Variants in RAB30 observed in about 807,000 individuals in gnomAD.
RAB30 encodes the protein ras-related protein Rab-30.
Under a neutral mutation model 25.1 loss-of-function variants are expected in RAB30, and 9 were observed. The ratio of observed to expected loss-of-function variants is 0.36; its 90% CI spans 0.22 to 0.63. The LOEUF (loss-of-function observed/expected upper bound fraction) is 0.63. RAB30 is among the 20% of genes least tolerant of loss of function. The pLI, the probability that RAB30 is intolerant of heterozygous loss-of-function variation, is 0.69. For synonymous variants in RAB30, 77 were observed against 86.4 expected (o/e 0.89, Z 0.60); for missense variants, 140 against 243.5 (o/e 0.58, Z 2.83).
chr11:83,033,837 T>C (rs766668435), intron 1 of RAB30, among the ~76,000 whole-genome samples: 2 of 152,114 alleles, frequency 1.3e-5, no homozygotes, highest in Non-Finnish European at 2.9e-5. Flanking sequence ...CTTGGGCATA[T>C]GAGGGTATCA....
intron 2 of RAB30, among the ~76,000 whole-genome samples, chr11:82,996,919 A>G (rs893488075): frequency 3.3e-5 from 5 of 152,158 alleles, no homozygotes; most frequent in African/African-American, 1.2e-4. Flanking sequence ...ACTTCCTTTT[A>G]TCCAATAATT....
At chr11:82,983,634 G>A (rs1856683429) in intron 4 of RAB30, among the ~76,000 whole-genome samples, 1 of 151,230 alleles carries the variant, frequency 6.6e-6, no homozygotes, top group African/African-American at 2.4e-5. Context: ...ACAGAGTTTC[G>A]CCACGTCCAG....
Position 83,021,463 on chromosome 11 carries a change from G to A in RAB30, c.-8-24139C>T, listed in dbSNP as rs552974177. The stretch of plus-strand genomic sequence containing the variant: ...AGTGCCAGCTGGGAAAGCTGCTTGC[G>A]GCGCACCTGGTCCAGCTGCAGCCTC... On this transcript the variant is annotated intron_variant, in intron 1 of 4. Coordinates refer to ENST00000527633, the MANE Select transcript of RAB30 (RefSeq NM_001286060.2). Among the ~76,000 whole-genome samples the A allele has an allele frequency of 1.4e-4, 21 of 152,316 alleles. 1 individual carries two copies. The highest frequency in any genetic ancestry group is 3.8e-4 in the African/African-American group (16 of 41,564).
chr11:83,055,641 A>G (rs534903033), intron 1 of RAB30, among the ~76,000 whole-genome samples: 1 of 152,236 alleles, frequency 6.6e-6, no homozygotes, highest in African/African-American at 2.4e-5. Flanking sequence ...TTCAAAATTC[A>G]TGTTGAAATT....
chr11:83,014,474 A>G (rs1857370828), intron 1 of RAB30, among the ~76,000 whole-genome samples: 1 of 152,036 alleles, frequency 6.6e-6, no homozygotes, highest in East Asian at 1.9e-4. Flanking sequence ...TGTGCCCAGG[A>G]GGTCAAGGCT....
intron 1 of RAB30, among the ~76,000 whole-genome samples, chr11:83,054,806 G>A (rs1858424738): frequency 6.6e-6 from 1 of 152,178 alleles, no homozygotes; most frequent in South Asian, 2.1e-4. Flanking sequence ...GGTTAAGGCT[G>A]CAGTGAGTCG....
intron 1 of RAB30, among the ~76,000 whole-genome samples, chr11:83,050,070 C>G (rs1044284677): frequency 1.3e-5 from 2 of 151,918 alleles, no homozygotes; most frequent in Non-Finnish European, 2.9e-5. Flanking sequence ...CCATTCTGGG[C>G]AACATAGGGA....
rs1177902276 is a variant in RAB30, at chr11:83,041,336, T to C, written c.-9+30355A>G. The C allele has an allele frequency of 1.7e-5, 3 of 174,960 alleles. No individual in the cohort carries two copies. The East Asian group carries it at 4.0e-4, about 23-fold the overall frequency. The allele number at this position is 174,960 out of a possible 1,614,324, so 10.8% of individuals were successfully genotyped here. ...TCCTGGTTCTATAGCTTGATGTGGA[T>C]AGACAAGACAACTTGGCCAGTATGA... On this transcript the variant is annotated intron_variant, in intron 1 of 4. Coordinates refer to ENST00000527633, the MANE Select transcript of RAB30 (RefSeq NM_001286060.2).
chr11:82,987,751 G>A lies in RAB30; in HGVS notation c.197C>T (p.Ala66Val), dbSNP rs2121441603. Reference sequence around the variant, plus strand: ...AATGGACCGAAATCTCTCTTGACCTGCTGTGTCCCAGATCTGTAGCTGTAA... The same window carrying A: ...AATGGACCGAAATCTCTCTTGACCTACTGTGTCCCAGATCTGTAGCTGTAA... ...EKVKLQIWDT[A>V]GQERFRSITQ... is the part of the protein sequence containing the mutation. Residue 66 changes from alanine to valine, a missense_variant, in exon 4 of 5, where the codon GCA becomes GTA. Transcript: ENST00000527633. 1 of 1,608,548 alleles carries A rather than the reference G, an allele frequency of 6.2e-7. No individual in the cohort carries two copies. The highest frequency in any genetic ancestry group is 8.5e-7 in the Non-Finnish European group (1 of 1,176,222).
chr11:82,994,955 A>G (rs940817788), intron 2 of RAB30, among the ~76,000 whole-genome samples: 1 of 152,226 alleles, frequency 6.6e-6, no homozygotes, highest in African/African-American at 2.4e-5. Flanking sequence ...ATTTTAAAAC[A>G]AATAAACAAA....
intron 1 of RAB30, among the ~76,000 whole-genome samples, chr11:83,010,081 G>A (rs936749770): frequency 6.6e-6 from 1 of 152,186 alleles, no homozygotes; most frequent in South Asian, 2.1e-4. Context: ...TGACCCCCAA[G>A]ATGGAGGGAG....
At chr11:83,022,975 G>GTATA (rs10661823) in intron 1 of RAB30, among the ~76,000 whole-genome samples, 46,059 of 150,258 alleles carry the variant, frequency 0.31, 7,494 homozygotes, top group Non-Finnish European at 0.36. Flanking sequence ...GTATGTATGT[G>GTATA]TATATATATA....
At chr11:82,990,606 A>C (rs188851403) in intron 3 of RAB30, among the ~76,000 whole-genome samples, 6 of 152,334 alleles carry the variant, frequency 3.9e-5, no homozygotes, top group African/African-American at 1.4e-4. Flanking sequence ...CCTATCTATC[A>C]ACATAGATCT....
chr11:83,000,756 A>G (rs551342147), intron 1 of RAB30, among the ~76,000 whole-genome samples: 1 of 152,316 alleles, frequency 6.6e-6, no homozygotes, highest in East Asian at 1.9e-4. Flanking sequence ...AAAGAAGGTG[A>G]AAAAAAGGCT....
intron 1 of RAB30, among the ~76,000 whole-genome samples, chr11:83,036,168 CTTTT>C (rs1187623873): frequency 1.4e-5 from 2 of 138,104 alleles, no homozygotes; most frequent in Non-Finnish European, 1.6e-5. Flanking sequence ...GGTTCAAATT[CTTTT>C]TTTTTTTTTT....
chr11:83,062,064 T>C (rs1426607399), intron 1 of RAB30, among the ~76,000 whole-genome samples: 4 of 151,996 alleles, frequency 2.6e-5, no homozygotes, highest in East Asian at 1.9e-4. Context: ...CCTGGCTTCA[T>C]GAAGCTTATA....
intron 2 of RAB30, among the ~76,000 whole-genome samples, 189 bp downstream of exon 2, chr11:82,997,035 G>A (rs1237444335): frequency 2.0e-5 from 3 of 152,168 alleles, no homozygotes; most frequent in South Asian, 2.1e-4. Flanking sequence ...CCATGCTCCC[G>A]TGAGGTGGTT....
In RAB30 at chr11:83,011,022, T is replaced by C. The variant is rs147235903; in HGVS notation, c.-8-13698A>G. Reference sequence around the variant, plus strand: ...GGACTGCAGCTATGAAAAATACACATGTATATCAACAAGGGCATTTCAAAA... The same window carrying C: ...GGACTGCAGCTATGAAAAATACACACGTATATCAACAAGGGCATTTCAAAA... On this transcript the variant is annotated intron_variant, in intron 1 of 4. Transcript: ENST00000527633. Among the ~76,000 whole-genome samples the C allele has an allele frequency of 6.6e-5, 10 of 152,358 alleles. No individual in the cohort carries two copies. The East Asian group carries it at 1.3e-3, about 21-fold the overall frequency.
intron 1 of RAB30, among the ~76,000 whole-genome samples, chr11:83,066,732 A>C (rs1858707852): frequency 1.3e-5 from 2 of 152,156 alleles, no homozygotes; most frequent in Admixed American, 1.3e-4. Flanking sequence ...TTGTATTTTT[A>C]GTAGAGACGG....
Sources: allele counts gnomAD v4.1 joint callset (sites outside exome capture counted in the v4.1 genomes callset), GRCh38; gene constraint gnomAD v4.1.1; transcripts MANE v1.5; gene names NCBI Gene and HGNC (gene_info 2026-07-23, HGNC 2026-07-21).